Variants in SON observed in about 807,000 individuals in gnomAD.
SON encodes SON DNA and RNA binding protein, also known as protein SON.
A neutral mutation model predicts 173.3 loss-of-function variants in SON; 4 were observed. The ratio of observed to expected loss-of-function variants is 0.02; its 90% CI spans 0.01 to 0.05. The LOEUF (loss-of-function observed/expected upper bound fraction) is 0.05, where lower values mean the gene tolerates loss of function less well. Ranked by LOEUF, SON falls within the 10% of genes least tolerant of loss-of-function variation. The pLI is 1.00. For missense variants in SON, 2,626 were observed against 3,055.3 expected (o/e 0.86, Z 3.31); for synonymous variants, 1,190 against 1,105.9 (o/e 1.08, Z -1.51).
chr21:33,549,197 C>A (rs533796194), intron 2 of SON, among the ~76,000 whole-genome samples: 1 of 150,368 alleles, frequency 6.7e-6, no homozygotes, highest in African/African-American at 2.5e-5. Context: ...GCCTCAGCCT[C>A]CCAAATAGCT....
chr21:33,567,129 A>G (rs2086190623), intron 6 of SON, 28 bp from the exon 7 acceptor site: 1 of 1,337,028 alleles, frequency 7.5e-7, no homozygotes, highest in Admixed American at 1.9e-5. Context: ...TGGTAATTTG[A>G]GATAATTATC....
At chr21:33,562,186 G>A (rs2086082065) in intron 6 of SON, among the ~76,000 whole-genome samples, 1 of 152,144 alleles carries the variant, frequency 6.6e-6, no homozygotes, top group Non-Finnish European at 1.5e-5. Context: ...TGTATATATA[G>A]AAGGTAAAAG....
At position 33,559,890 on chromosome 21, in the gene SON, G is replaced by C; in HGVS notation, c.6657+115G>C. ...CACTCTTCTTAGGGCCGGGTTAAAC[G>C]GCAGGGCCGGGTTAGACGACAGATG... On this transcript the variant is annotated intron_variant, in intron 6 of 11. Coordinates refer to ENST00000356577, the MANE Select transcript of SON (RefSeq NM_138927.4). The surrounding 1 kb of genome is among the most constrained non-coding windows in gnomAD (Gnocchi z 4.1). 1 of 1,607,054 alleles carries C rather than the reference G, an allele frequency of 6.2e-7. No individual in the cohort carries two copies. Among genetic ancestry groups the C allele is most frequent in the Non-Finnish European group, 8.5e-7 (1 of 1,174,796 alleles).
chr21:33,551,280 C>T lies in SON; in HGVS notation c.2049C>T (p.Ser683=), dbSNP rs762308441. Residue 683 remains serine (S), a synonymous_variant, in exon 3 of 12, where the codon TCC becomes TCT. Transcript: ENST00000356577. ...TGCCCTCGACGACAGCGCTGGAATC[C>T]TATAATACGGTAGCACAGGAGCTGC... ...LEVPSTTALE[S]YNTVAQELPT... 9.9e-6 allele frequency: 16 copies of T among 1,614,006 alleles called. No individual in the cohort carries two copies. The highest frequency in any genetic ancestry group is 1.3e-5 in the Non-Finnish European group (15 of 1,179,988).
Position 33,559,262 on chromosome 21 carries a change from T to A in SON, c.6354T>A (p.Asp2118Glu), listed in dbSNP as rs1344505559. Reference protein sequence around the residue: ...KCKQIAQSKEDDDVIVNKPHV... With the variant: ...KCKQIAQSKEEDDVIVNKPHV... ...AACAGATCGCACAGAGTAAAGAAGA[T>A]GATGATGTAATAGTGAATAAACCTC... The change falls in exon 5 of 12, where the codon GAT becomes GAA. Residue 2118 changes from aspartate to glutamate, a missense_variant. Physicochemically the swap from Asp to Glu is conservative, Grantham distance 45. Coordinates refer to ENST00000356577, the MANE Select transcript of SON (RefSeq NM_138927.4). This position sits in a 1 kb window ranked among gnomAD's most constrained non-coding sequence, Gnocchi z 4.1. 4 of 1,601,424 alleles carry A rather than the reference T, an allele frequency of 2.5e-6. No individual in the cohort carries two copies. The highest frequency in any genetic ancestry group is 3.4e-6 in the Non-Finnish European group (4 of 1,175,092).
At chr21:33,575,117 A>G (rs997678235) in intron 9 of SON, among the ~76,000 whole-genome samples, 16 of 151,942 alleles carry the variant, frequency 1.1e-4, no homozygotes, top group African/African-American at 3.9e-4. Context: ...ACTCACTGCA[A>G]CCTTCGCTTC....
At chr21:33,576,138 G>GAATT (rs1003419355) in intron 11 of SON, among the ~76,000 whole-genome samples, 1 of 152,054 alleles carries the variant, frequency 6.6e-6, no homozygotes, top group Non-Finnish European at 1.5e-5. Flanking sequence ...TGAATGTGGG[G>GAATT]AATTAATTTA....
rs1235088466 is a variant in SON, at chr21:33,559,625, A to G, written c.6507A>G (p.Val2169=). 6.2e-6 allele frequency: 10 copies of G among 1,613,322 alleles called. No homozygotes were observed. Among genetic ancestry groups the G allele is most frequent in the Non-Finnish European group, 7.6e-6 (9 of 1,179,866 alleles). ...AAKPTPPKSQ[V]TLTKEFPVSS... ...AACCAACTCCACCAAAAAGCCAGGTAACATTAACAAAAGAATTCCCTGTAT... is the reference window on the plus strand; with the variant it reads ...AACCAACTCCACCAAAAAGCCAGGTGACATTAACAAAAGAATTCCCTGTAT... The change falls in exon 6 of 12, where the codon GTA becomes GTG. Residue 2169 remains valine (V), a synonymous_variant. Coordinates refer to ENST00000356577, the MANE Select transcript of SON (RefSeq NM_138927.4). The surrounding 1 kb of genome is among the most constrained non-coding windows in gnomAD (Gnocchi z 4.1).
chr21:33,555,132 C>T lies in SON; in HGVS notation c.5901C>T (p.Pro1967=), dbSNP rs894425905. ...CCCCCAGCCGCCGCAGCCGCACCCC[C>T]AGCCGCCGCAGCCGCACCCCCAGCC... is the stretch of plus-strand genomic sequence containing the variant. ...SRTPSRRSRT[P]SRRSRTPSRR... The change falls in exon 3 of 12, where the codon CCC becomes CCT. Residue 1967 remains proline, a synonymous_variant. Coordinates refer to ENST00000356577, the MANE Select transcript of SON (RefSeq NM_138927.4). The T allele has an allele frequency of 8.9e-6, 13 of 1,462,330 alleles. No homozygotes were observed. The highest frequency in any genetic ancestry group is 1.2e-5 in the Non-Finnish European group (13 of 1,110,384). The allele number at this position is 1,462,330 out of a possible 1,614,324, so 90.6% of individuals were successfully genotyped here.
chr21:33,558,512 T>C (rs2086009427), intron 4 of SON: 1 of 152,222 alleles, frequency 6.6e-6, no homozygotes, highest in Admixed American at 6.5e-5. Context: ...TATTACAATA[T>C]GAATTACAAC....
chr21:33,557,122 A>T (rs770996792), intron 3 of SON, 34 bp from the exon 4 acceptor site: 2 of 1,592,104 alleles, frequency 1.3e-6, no homozygotes, highest in Non-Finnish European at 1.7e-6. Flanking sequence ...ACAGTCTTTT[A>T]GGAAAACTGC....
chr21:33,572,690 G>C (rs1228840642), intron 8 of SON: 2 of 861,974 alleles, frequency 2.3e-6, no homozygotes, highest in African/African-American at 3.5e-5. Context: ...GGTTTTAAAA[G>C]AATTCAAATT....
At chr21:33,576,298 G>A (rs2086399147) in intron 11 of SON, 67 bp from the exon 12 acceptor site, 1 of 808,944 alleles carries the variant, frequency 1.2e-6, no homozygotes, top group Admixed American at 1.9e-5. Context: ...AGCATTTAGT[G>A]AAAAAATACA....
At chr21:33,543,376 G>A (rs1267970856) in intron 1 of SON, 3 of 585,776 alleles carry the variant, frequency 5.1e-6, no homozygotes, top group Middle Eastern at 4.5e-4. Context: ...CGCCTTTTCC[G>A]AGGTAACCCA....
At chr21:33,573,229 T>G (rs1041816392) in intron 8 of SON, 79 bp from the exon 9 acceptor site, 52 of 1,232,552 alleles carry the variant, frequency 4.2e-5, no homozygotes, top group Middle Eastern at 2.9e-4. Flanking sequence ...AGATTCCTCT[T>G]TTTAGAAAGT....
At chr21:33,556,704 A>G (rs561200568) in intron 3 of SON, among the ~76,000 whole-genome samples, 183 of 132,786 alleles carry the variant, frequency 1.4e-3, no homozygotes, top group Non-Finnish European at 2.5e-3. Context: ...ACAGAGTGAG[A>G]CTGTCTCAAA....
intron 2 of SON, among the ~76,000 whole-genome samples, chr21:33,548,200 T>C (rs1035808833): frequency 6.6e-6 from 1 of 151,812 alleles, no homozygotes; most frequent in African/African-American, 2.4e-5. Flanking sequence ...AATTAAGGAC[T>C]AAGAATTTCC....
chr21:33,550,803 T>A lies in SON; in HGVS notation c.1572T>A (p.His524Gln), dbSNP rs1244155902. 6.2e-7 allele frequency: 1 copy of A among 1,613,972 alleles called. No homozygotes were observed. The highest frequency in any genetic ancestry group is 8.5e-7 in the Non-Finnish European group (1 of 1,179,934). The change falls in exon 3 of 12, where the codon CAT (histidine) becomes CAA (glutamine). Residue 524 changes from histidine (H) to glutamine (Q), a missense_variant. Physicochemically the swap from His to Gln is conservative, Grantham distance 24. Transcript: ENST00000356577. ...EQPVGMTTVE[H>Q]PGHPEVTTAT... is the part of the protein sequence containing the mutation. ...CTGTGGGGATGACAACGGTGGAACA[T>A]CCTGGGCATCCTGAGGTGACAACGG...
chr21:33,560,727 G>A, intron 6 of SON: 1 of 528,774 alleles, frequency 1.9e-6, no homozygotes, highest in Non-Finnish European at 2.4e-6. Context: ...TAGGGGGGTG[G>A]GAGTTTTAAT....
Sources: allele counts gnomAD v4.1 joint callset (sites outside exome capture counted in the v4.1 genomes callset), GRCh38; gene constraint gnomAD v4.1.1; non-coding constraint Gnocchi (gnomAD v3.1); transcripts MANE v1.5; gene names NCBI Gene and HGNC (gene_info 2026-07-23, HGNC 2026-07-21).